The following RAD54L2 variants were observed in gnomAD, a reference collection of about 807,000 sequenced individuals.
The protein encoded by RAD54L2 is RAD54 like 2.
RAD54L2 carries 27 observed loss-of-function variants against 138.4 expected under a neutral mutation model. The ratio of observed to expected loss-of-function variants is 0.20; its 90% CI spans 0.14 to 0.27. The LOEUF (loss-of-function observed/expected upper bound fraction) is 0.27. RAD54L2 is among the 10% of genes least tolerant of loss of function. RAD54L2 has a pLI of 1.00. For synonymous variants in RAD54L2, 644 were observed against 723.2 expected (o/e 0.89, Z 1.76); for missense variants, 1,396 against 1,890.2 (o/e 0.74, Z 4.85).
rs767894890 is a variant in RAD54L2 at position 51,637,510 on chromosome 3, C to T, written c.1682+7C>T. 3 of 1,603,658 alleles carry T rather than the reference C, an allele frequency of 1.9e-6. No homozygotes were observed. In the Admixed American group the frequency reaches 5.1e-5, roughly 27 times the overall value. On this transcript the variant is annotated splice_region_variant and intron_variant, in intron 11 of 22. Transcript: ENST00000684192. This position sits in a 1 kb window ranked among gnomAD's most constrained non-coding sequence, Gnocchi z 5.9. ...TGGAGGGCTTTGTGCAGAGGTGAGC[C>T]ATCCTCAGGGTCCTGCTTCCTGAAT...
At chr3:51,600,963 T>C (rs968161443) in intron 3 of RAD54L2, among the ~76,000 whole-genome samples, 1 of 151,952 alleles carries the variant, frequency 6.6e-6, no homozygotes, top group African/African-American at 2.4e-5. Flanking sequence ...AGACTCCATC[T>C]CAAAAAAACA....
At chr3:51,640,028 G>C (rs759210635) in intron 14 of RAD54L2, 29 bp downstream of exon 14, 1 of 1,500,554 alleles carries the variant, frequency 6.7e-7, no homozygotes, top group Non-Finnish European at 9.2e-7. Flanking sequence ...ATTTGAGGCT[G>C]TGTGTCTATG....
intron 3 of RAD54L2, among the ~76,000 whole-genome samples, chr3:51,605,301 C>A (rs1281108401): frequency 2.0e-5 from 3 of 151,906 alleles, no homozygotes; most frequent in Non-Finnish European, 4.4e-5. Flanking sequence ...GTTAGCCAGG[C>A]TGGTCTGAAA....
intron 21 of RAD54L2, among the ~76,000 whole-genome samples, chr3:51,657,973 G>A (rs1445900231): frequency 1.5e-5 from 2 of 131,474 alleles, no homozygotes; most frequent in African/African-American, 5.7e-5. Flanking sequence ...TCGCCAGGCT[G>A]GAGTGCAGTT....
intron 2 of RAD54L2, among the ~76,000 whole-genome samples, chr3:51,559,462 T>C (rs1699050679): frequency 6.6e-6 from 1 of 152,212 alleles, no homozygotes; most frequent in Non-Finnish European, 1.5e-5. Flanking sequence ...CCCTGAGTGC[T>C]TCAGATCCAA....
At chr3:51,556,463 G>A (rs1698968704) in intron 2 of RAD54L2, among the ~76,000 whole-genome samples, 2 of 152,062 alleles carry the variant, frequency 1.3e-5, no homozygotes, top group South Asian at 4.2e-4. Context: ...GCCCAGGCTG[G>A]TCTCAAACTC....
At chr3:51,555,676 A>G (rs1698944794) in intron 2 of RAD54L2, among the ~76,000 whole-genome samples, 1 of 152,312 alleles carries the variant, frequency 6.6e-6, no homozygotes, top group Admixed American at 6.5e-5. Flanking sequence ...CACCATCGGC[A>G]CATGTTATCA....
rs995141936 is a variant in RAD54L2 at position 51,662,295 on chromosome 3, T to C, written c.3410-131T>C. On this transcript the variant is annotated intron_variant, in intron 22 of 22. Transcript: ENST00000684192. The surrounding 1 kb of genome is among the most constrained non-coding windows in gnomAD (Gnocchi z 4.6). ...TGACTGGAAAAGGTTGACTGGGTGA[T>C]GTTGTTCAGACATCAAACTATTAGA... The C allele has an allele frequency of 1.3e-6, 1 of 760,064 alleles. No individual in the cohort carries two copies. The highest frequency in any genetic ancestry group is 3.2e-5 in the South Asian group (1 of 31,226). 47.1% of individuals were successfully genotyped at this position (760,064 alleles called of 1,614,324 possible). A position where few individuals can be genotyped will look rare whatever the true frequency, so the allele number is the denominator to read the frequency against.
intron 3 of RAD54L2, among the ~76,000 whole-genome samples, chr3:51,601,307 C>T (rs1014029833): frequency 1.4e-5 from 2 of 146,568 alleles, no homozygotes; most frequent in East Asian, 2.0e-4. Context: ...CCACTGCGCC[C>T]GGCTTTTTTT....
At chr3:51,661,693 A>G (rs1294793552) in intron 22 of RAD54L2, among the ~76,000 whole-genome samples, 1 of 152,226 alleles carries the variant, frequency 6.6e-6, no homozygotes, top group Non-Finnish European at 1.5e-5. Flanking sequence ...ATTTTCATAC[A>G]TACAGAAAAG....
Position 51,638,714 on chromosome 3 carries a change from AC to A in RAD54L2, c.1860+395del, listed in dbSNP as rs1002008997. ...GGATTCCATACTTAATCAGATTGAG[AC>A]CTCTCTCATTCTTTTCTTGAGGGAC... On this transcript the variant is annotated intron_variant, in intron 12 of 22. Coordinates refer to ENST00000684192, the MANE Select transcript of RAD54L2 (RefSeq NM_015106.4). This position sits in a 1 kb window ranked among gnomAD's most constrained non-coding sequence, Gnocchi z 4.3. The A allele has an allele frequency of 1.2e-5, 2 of 170,432 alleles. No individual in the cohort carries two copies. Among genetic ancestry groups the A allele is most frequent in the African/African-American group, 4.8e-5 (2 of 41,968 alleles). 10.6% of individuals were successfully genotyped at this position (170,432 alleles called of 1,614,324 possible).
chr3:51,557,695 T>C (rs147561808), intron 2 of RAD54L2, among the ~76,000 whole-genome samples: 1,609 of 151,724 alleles, frequency 0.011, 18 homozygotes, highest in Non-Finnish European at 0.016. Flanking sequence ...CCAGGCATGG[T>C]GGCGGGCGCC....
rs760178765 is a variant in RAD54L2, at chr3:51,633,936, A to C, written c.1043A>C (p.Asn348Thr). The C allele has an allele frequency of 9.3e-6, 15 of 1,613,888 alleles. No individual in the cohort carries two copies. In the Admixed American group the frequency reaches 2.5e-4, roughly 27 times the overall value. The change falls in exon 9 of 23, where the codon AAC becomes ACC. Residue 348 changes from asparagine (N) to threonine (T), a missense_variant. Coordinates refer to ENST00000684192, the MANE Select transcript of RAD54L2 (RefSeq NM_015106.4). ...NTLQNWLAEF[N>T]MWLPPPEALP... Reference sequence around the variant, plus strand: ...CTTCAGAATTGGCTGGCAGAGTTCAACATGTGGCTTCCACCTCCTGAAGCC... The same window carrying C: ...CTTCAGAATTGGCTGGCAGAGTTCACCATGTGGCTTCCACCTCCTGAAGCC...
intron 3 of RAD54L2, among the ~76,000 whole-genome samples, chr3:51,595,327 C>T (rs926883044): frequency 1.3e-5 from 2 of 152,046 alleles, no homozygotes; most frequent in African/African-American, 4.8e-5. Context: ...TTGTGTCAGT[C>T]GATCACACAA....
intron 3 of RAD54L2, among the ~76,000 whole-genome samples, chr3:51,606,656 GT>G (rs978085364): frequency 6.6e-6 from 1 of 151,786 alleles, no homozygotes; most frequent in Non-Finnish European, 1.5e-5. Context: ...TATGGAAAAA[GT>G]TTATTTTTTT....
intron 19 of RAD54L2, among the ~76,000 whole-genome samples, chr3:51,647,006 A>G (rs1033811006): frequency 1.3e-5 from 2 of 152,180 alleles, no homozygotes; most frequent in Non-Finnish European, 2.9e-5. Flanking sequence ...CTAAGCAGTG[A>G]GAGAGGCTCC....
At position 51,663,144 on chromosome 3, in the gene RAD54L2, A is replaced by G. The variant is rs1019616914; in HGVS notation, c.4128A>G (p.Pro1376=). The G allele has an allele frequency of 4.3e-6, 7 of 1,613,822 alleles. No individual in the cohort carries two copies. The highest frequency in any genetic ancestry group is 1.7e-5 in the Admixed American group (1 of 59,992). ...CCTTCATGCTCAACCCTTCTGTGCC[A>G]GGGATACTACCCAGCTATTCACTCC... ...NPSFMLNPSV[P]GILPSYSLPF... Residue 1376 remains proline, a synonymous_variant, in exon 23 of 23, where the codon CCA becomes CCG. Coordinates refer to ENST00000684192, the MANE Select transcript of RAD54L2 (RefSeq NM_015106.4).
rs146938598 is a variant in RAD54L2 at position 51,638,154 on chromosome 3, A to G, written c.1693A>G (p.Thr565Ala). The G allele has an allele frequency of 1.9e-3, 3,052 of 1,613,926 alleles. 5 individuals are homozygous for G. The highest frequency in any genetic ancestry group is 2.3e-3 in the Non-Finnish European group (2,684 of 1,179,850). The change falls in exon 12 of 23, where the codon ACT becomes GCT. Residue 565 changes from threonine (T) to alanine (A), a missense_variant. Physicochemically the swap from Thr to Ala is moderately conservative, Grantham distance 58 (BLOSUM62 0). This residue lies in a region of RAD54L2 where 36 missense variants were observed against 107.2 expected (regional missense o/e 0.34). Transcript: ENST00000684192. This position sits in a 1 kb window ranked among gnomAD's most constrained non-coding sequence, Gnocchi z 4.3. ...LEGFVQRRGHTVLKIHLPAKE... is the reference protein window; with the variant it reads ...LEGFVQRRGHAVLKIHLPAKE... ...TGTTTGCCTCCATAGGAGAGGCCAC[A>G]CTGTGCTGAAGATTCATCTCCCTGC... is the stretch of plus-strand genomic sequence containing the variant.
intron 3 of RAD54L2, among the ~76,000 whole-genome samples, chr3:51,597,037 C>T (rs547024980): frequency 5.9e-5 from 9 of 151,918 alleles, no homozygotes; most frequent in East Asian, 1.9e-4. Context: ...TGGTGGCAGG[C>T]GCCTGTAATC....
Sources: gnomAD v4.1 joint callset for allele counts (sites outside exome capture counted in the v4.1 genomes callset) on GRCh38, gnomAD v4.1.1 for gene constraint, gnomAD v4.1.1 regional missense constraint, Gnocchi (gnomAD v3.1) non-coding constraint, MANE v1.5 for transcripts, NCBI Gene and HGNC (gene_info 2026-07-23, HGNC 2026-07-21) for gene names.